Variants in OTUD7A observed in about 807,000 individuals in gnomAD.
OTUD7A encodes the protein OTU deubiquitinase 7A.
Under a neutral mutation model 65.7 loss-of-function variants are expected in OTUD7A, and 12 were observed. The ratio of observed to expected loss-of-function variants is 0.18; its 90% CI spans 0.12 to 0.30. The LOEUF is 0.30. OTUD7A is among the 10% of genes least tolerant of loss of function. The pLI, the probability that OTUD7A is intolerant of heterozygous loss-of-function variation, is 1.00. For missense variants in OTUD7A, 1,148 were observed against 1,304.8 expected (o/e 0.88, Z 1.85); for synonymous variants, 641 against 586.3 (o/e 1.09, Z -1.35).
At chr15:31,857,355 C>T (rs1051763874) in intron 1 of OTUD7A, among the ~76,000 whole-genome samples, 6 of 151,864 alleles carry the variant, frequency 4.0e-5, no homozygotes, top group Non-Finnish European at 8.8e-5. Context: ...GGCCTCCCAG[C>T]AGGAGGCAGC....
chr15:31,530,667 C>T, intron 6 of OTUD7A, 40 bp downstream of exon 6: 1 of 1,578,308 alleles, frequency 6.3e-7, no homozygotes, highest in Non-Finnish European at 8.7e-7. Context: ...TTACGCAGGC[C>T]TGGAGCCTGG....
At chr15:31,753,721 T>TATATATATATTATA (rs879561188) in intron 1 of OTUD7A, among the ~76,000 whole-genome samples, 3 of 106,754 alleles carry the variant, frequency 2.8e-5, no homozygotes, top group Non-Finnish European at 5.3e-5. Flanking sequence ...TATATATATA[T>TATATATATATTATA]TATATATATA....
chr15:31,584,461 T>C (rs1470813545), intron 3 of OTUD7A, among the ~76,000 whole-genome samples: 1 of 152,202 alleles, frequency 6.6e-6, no homozygotes, highest in African/African-American at 2.4e-5. Flanking sequence ...AAGCAGCCTC[T>C]GCTCACTTGA....
At chr15:31,528,412 G>A (rs1032273225) in intron 6 of OTUD7A, among the ~76,000 whole-genome samples, 2 of 152,248 alleles carry the variant, frequency 1.3e-5, no homozygotes, top group African/African-American at 4.8e-5. Context: ...AGAGTGAAAA[G>A]GGGGCTCTCG....
intron 1 of OTUD7A, among the ~76,000 whole-genome samples, chr15:31,862,588 C>A (rs1194401884): frequency 1.3e-5 from 2 of 152,138 alleles, no homozygotes; most frequent in Non-Finnish European, 2.9e-5. Context: ...CCTGATAAAC[C>A]CATCAGATCT....
At chr15:31,718,662 G>C (rs148734282) in intron 1 of OTUD7A, among the ~76,000 whole-genome samples, 5,987 of 137,326 alleles carry the variant, frequency 0.044, 304 homozygotes, top group African/African-American at 0.11. Flanking sequence ...CCCACTTATT[G>C]GCTGGATAAT....
chr15:31,859,222 CTG>C (rs1292885902), intron 1 of OTUD7A, among the ~76,000 whole-genome samples: 4 of 152,170 alleles, frequency 2.6e-5, no homozygotes, highest in Admixed American at 2.6e-4. Context: ...CTTGACAAAA[CTG>C]TATGTTTTTG....
chr15:31,718,110 C>T (rs1001085582), intron 1 of OTUD7A, among the ~76,000 whole-genome samples: 6 of 152,134 alleles, frequency 3.9e-5, no homozygotes, highest in Non-Finnish European at 7.3e-5. Flanking sequence ...CCCCTGTGAA[C>T]CACCTCAGGG....
At position 31,659,886 on chromosome 15, in the gene OTUD7A, G is replaced by A. The variant is rs376941998; in HGVS notation, c.-99-2809C>T. ...CAGATCTGGGGTCGAGCACAGGCTTGGGAGCTGATGGCCTGGCTGGGTGCA... is the reference window on the plus strand; with the variant it reads ...CAGATCTGGGGTCGAGCACAGGCTTAGGAGCTGATGGCCTGGCTGGGTGCA... On this transcript the variant is annotated intron_variant, in intron 1 of 12. Transcript: ENST00000307050. 2.9e-3 allele frequency among the ~76,000 whole-genome samples: 439 copies of A among 152,356 alleles called. 3 individuals are homozygous for A. The highest frequency in any genetic ancestry group is 0.01 in the African/African-American group (425 of 41,572).
At chr15:31,682,256 G>A (rs530085592) in intron 1 of OTUD7A, among the ~76,000 whole-genome samples, 1 of 152,316 alleles carries the variant, frequency 6.6e-6, no homozygotes, top group South Asian at 2.1e-4. Flanking sequence ...GACCTAAATA[G>A]AGAGATGTAT....
chr15:31,616,738 T>C (rs1244073396), intron 3 of OTUD7A, among the ~76,000 whole-genome samples: 1 of 152,124 alleles, frequency 6.6e-6, no homozygotes, highest in East Asian at 1.9e-4. Flanking sequence ...GAGACGGGGT[T>C]TCACCTTGTT....
chr15:31,722,009 C>T (rs1321020976), intron 1 of OTUD7A, among the ~76,000 whole-genome samples: 7 of 152,216 alleles, frequency 4.6e-5, no homozygotes, highest in African/African-American at 7.2e-5. Flanking sequence ...GGAGAAGAGG[C>T]GGGGTCTGCT....
chr15:31,837,638 T>C (rs1897088287), intron 1 of OTUD7A, among the ~76,000 whole-genome samples: 1 of 152,146 alleles, frequency 6.6e-6, no homozygotes, highest in African/African-American at 2.4e-5. Context: ...AAAGCAATGA[T>C]GAAAGATATA....
chr15:31,492,663 G>A (rs1171012254), intron 10 of OTUD7A, among the ~76,000 whole-genome samples: 1 of 151,346 alleles, frequency 6.6e-6, no homozygotes, highest in African/African-American at 2.4e-5. Flanking sequence ...ATTAAAAATA[G>A]GGGTATAACA....
intron 1 of OTUD7A, among the ~76,000 whole-genome samples, chr15:31,866,189 T>C (rs1047272028): frequency 1.6e-4 from 24 of 152,234 alleles, no homozygotes; most frequent in African/African-American, 5.8e-4. Context: ...TGTGGAATCA[T>C]GCAATTTTAC....
chr15:31,523,222 T>C (rs2041962083), intron 8 of OTUD7A, among the ~76,000 whole-genome samples: 1 of 152,246 alleles, frequency 6.6e-6, no homozygotes, highest in South Asian at 2.1e-4. Context: ...CTTCTCTGTT[T>C]CACCTTTTGC....
intron 1 of OTUD7A, among the ~76,000 whole-genome samples, chr15:31,762,806 C>T (rs1318898457): frequency 2.6e-5 from 4 of 152,128 alleles, no homozygotes; most frequent in African/African-American, 7.2e-5. Context: ...AGTCTGATAA[C>T]GTAATATTCC....
At chr15:31,820,250 T>C (rs1254497507) in intron 1 of OTUD7A, among the ~76,000 whole-genome samples, 1 of 152,246 alleles carries the variant, frequency 6.6e-6, no homozygotes, top group African/African-American at 2.4e-5. Flanking sequence ...ACTTCAAGTC[T>C]ATACATTTAA....
chr15:31,863,627 G>C (rs1897802951), intron 1 of OTUD7A, among the ~76,000 whole-genome samples: 8 of 152,204 alleles, frequency 5.3e-5, no homozygotes. Flanking sequence ...CAAGTCCCTA[G>C]GCTGCACACA....
Sources: allele counts gnomAD v4.1 joint callset (sites outside exome capture counted in the v4.1 genomes callset), GRCh38; gene constraint gnomAD v4.1.1; transcripts MANE v1.5; gene names NCBI Gene and HGNC (gene_info 2026-07-23, HGNC 2026-07-21).